The following BORCS5 variants were observed in gnomAD, a reference collection of about 807,000 sequenced individuals.
The protein encoded by BORCS5 is BLOC-1 related complex subunit 5, also known as BLOC-1-related complex subunit 5.
BORCS5 carries 17 observed loss-of-function variants against 22.1 expected under a neutral mutation model. The ratio of observed to expected loss-of-function variants is 0.77; its 90% CI spans 0.53 to 1.15. The LOEUF is 1.15. Among genes scored for constraint, BORCS5 ranks in the 50% most tolerant of loss-of-function variants. The probability of loss-of-function intolerance (pLI) is 0.00; values close to 1 mark genes in which losing one functional copy is unlikely to be tolerated. For synonymous variants in BORCS5, 117 were observed against 99.8 expected, an observed-to-expected ratio of 1.17 and a Z score of -1.03; for missense variants, 247 against 253.2, an observed-to-expected ratio of 0.98 and a Z score of 0.17.
At chr12:12,402,909 A>G (rs986004982) in intron 2 of BORCS5, among the ~76,000 whole-genome samples, 1 of 152,210 alleles carries the variant, frequency 6.6e-6, no homozygotes, top group African/African-American at 2.4e-5. Flanking sequence ...GAACGTTGGT[A>G]GGATAGAAAA....
intron 3 of BORCS5, among the ~76,000 whole-genome samples, chr12:12,461,184 CT>C (rs1430336440): frequency 1.3e-5 from 2 of 149,034 alleles, no homozygotes; most frequent in South Asian, 2.1e-4. Context: ...TTTTTTCCCC[CT>C]GGGATAGGGC....
At chr12:12,446,739 G>GT (rs558150816) in intron 3 of BORCS5, among the ~76,000 whole-genome samples, 14 of 152,124 alleles carry the variant, frequency 9.2e-5, no homozygotes, top group Non-Finnish European at 1.5e-4. Context: ...ATCCTCCATA[G>GT]TTTTCATTTA....
chr12:12,425,236 A>G (rs1373882002), intron 2 of BORCS5, among the ~76,000 whole-genome samples: 3 of 152,252 alleles, frequency 2.0e-5, no homozygotes, highest in Non-Finnish European at 4.4e-5. Context: ...GAAAGTAATT[A>G]TAATTCATCA....
At position 12,357,317 on chromosome 12, in the gene BORCS5, A is replaced by T; in HGVS notation, c.-135A>T. ...TGCGTGGGCTGGACGCGTCAGCCCC[A>T]CACATTAGCCTCGCTGCGGCGCCCA... On this transcript the variant is annotated 5_prime_UTR_variant, in exon 1 of 4. Coordinates refer to ENST00000314565, the MANE Select transcript of BORCS5 (RefSeq NM_058169.6). 6.8e-7 allele frequency: 1 copy of T among 1,471,602 alleles called. No individual in the cohort carries two copies. The allele number at this position is 1,471,602 out of a possible 1,614,324, so 91.2% of individuals were successfully genotyped here. A position where few individuals can be genotyped will look rare whatever the true frequency, so the allele number is the denominator to read the frequency against.
chr12:12,448,342 A>G (rs1424560093), intron 3 of BORCS5, among the ~76,000 whole-genome samples: 4 of 151,904 alleles, frequency 2.6e-5, no homozygotes, highest in Admixed American at 1.3e-4. Context: ...CAGCTTCCCA[A>G]GTAGCTGGGA....
chr12:12,415,642 G>A lies in BORCS5; in HGVS notation c.203-19986G>A, dbSNP rs953798676. ...TAGGCTGTTACGTGGATTGATTTTC[G>A]TGTGTTGAATCATCCTTGTGTTCCA... On this transcript the variant is annotated intron_variant, in intron 2 of 3. Coordinates refer to ENST00000314565, the MANE Select transcript of BORCS5 (RefSeq NM_058169.6). 4.0e-5 allele frequency among the ~76,000 whole-genome samples: 6 copies of A among 148,308 alleles called. No individual in the cohort carries two copies. The South Asian group carries it at 6.5e-4, about 16-fold the overall frequency.
intron 2 of BORCS5, among the ~76,000 whole-genome samples, chr12:12,399,073 C>A (rs1287528179): frequency 6.6e-6 from 1 of 152,162 alleles, no homozygotes; most frequent in Non-Finnish European, 1.5e-5. Flanking sequence ...TCCAGATTAC[C>A]TCTGTGTGTT....
intron 2 of BORCS5, among the ~76,000 whole-genome samples, chr12:12,376,532 C>G (rs1863658504): frequency 6.6e-6 from 1 of 152,176 alleles, no homozygotes; most frequent in African/African-American, 2.4e-5. Flanking sequence ...TGCACCTGGC[C>G]TGCTCTTCAA....
At chr12:12,415,556 A>AAAGGGG (rs1565887792) in intron 2 of BORCS5, among the ~76,000 whole-genome samples, 10 of 3,300 alleles carry the variant, frequency 3.0e-3, no homozygotes, top group Non-Finnish European at 7.4e-3. Flanking sequence ...GACCGTGGAG[A>AAAGGGG]GAGGGGGAGG....
chr12:12,358,728 A>C (rs1027309213), intron 1 of BORCS5, among the ~76,000 whole-genome samples: 1 of 152,214 alleles, frequency 6.6e-6, no homozygotes, highest in African/African-American at 2.4e-5. Flanking sequence ...TTTACAGATA[A>C]AGTAGTAGAG....
Position 12,399,981 on chromosome 12 carries a change from C to T in BORCS5, c.203-35647C>T, listed in dbSNP as rs1034509108. On this transcript the variant is annotated intron_variant, in intron 2 of 3. Transcript: ENST00000314565. ...TAGCCAAATGTTTGCTAAAAATTAACCAAATTAAATGTTATTAAATAAGAT... is the reference window on the plus strand; with the variant it reads ...TAGCCAAATGTTTGCTAAAAATTAATCAAATTAAATGTTATTAAATAAGAT... Among the ~76,000 whole-genome samples the T allele has an allele frequency of 3.9e-5, 6 of 152,140 alleles. No individual in the cohort carries two copies. The South Asian group carries it at 1.2e-3, about 32-fold the overall frequency.
chr12:12,375,320 G>T (rs1215806259), intron 2 of BORCS5, among the ~76,000 whole-genome samples: 1 of 152,196 alleles, frequency 6.6e-6, no homozygotes. Context: ...GCCTGTAGAG[G>T]AATCTTAAAA....
At chr12:12,460,572 A>T (rs1417166690) in intron 3 of BORCS5, among the ~76,000 whole-genome samples, 1 of 152,224 alleles carries the variant, frequency 6.6e-6, no homozygotes, top group Non-Finnish European at 1.5e-5. Context: ...TCCTAATCTT[A>T]GGGAGAAAAG....
At chr12:12,372,452 C>T (rs1863552545) in intron 2 of BORCS5, among the ~76,000 whole-genome samples, 1 of 152,214 alleles carries the variant, frequency 6.6e-6, no homozygotes, top group South Asian at 2.1e-4. Context: ...CTCAAGCAAA[C>T]CGCCTGCTTC....
At chr12:12,421,319 T>G (rs1482761903) in intron 2 of BORCS5, among the ~76,000 whole-genome samples, 2 of 152,212 alleles carry the variant, frequency 1.3e-5, no homozygotes, top group East Asian at 3.8e-4. Context: ...ATGTGTTTTT[T>G]GTGGTCGGTT....
At chr12:12,402,065 CA>C (rs550592058) in intron 2 of BORCS5, among the ~76,000 whole-genome samples, 5,123 of 94,324 alleles carry the variant, frequency 0.054, 90 homozygotes, top group Middle Eastern at 0.11. Flanking sequence ...GACTCCGTCT[CA>C]AAAAAAAAAA....
intron 2 of BORCS5, among the ~76,000 whole-genome samples, chr12:12,434,411 G>A (rs867171085): frequency 3.9e-5 from 6 of 152,184 alleles, no homozygotes; most frequent in South Asian, 4.1e-4. Context: ...GTGGTAGGGC[G>A]ATCACTGGGA....
At chr12:12,371,525 C>T (rs1301415277) in intron 2 of BORCS5, among the ~76,000 whole-genome samples, 1 of 152,012 alleles carries the variant, frequency 6.6e-6, no homozygotes, top group Non-Finnish European at 1.5e-5. Context: ...AACTCCTGGG[C>T]ACAAGCGATC....
At chr12:12,408,772 A>C (rs1268673229) in intron 2 of BORCS5, among the ~76,000 whole-genome samples, 1 of 152,214 alleles carries the variant, frequency 6.6e-6, no homozygotes, top group Non-Finnish European at 1.5e-5. Flanking sequence ...ATATAGAAAA[A>C]TATTATTCAG....
Sources: allele counts gnomAD v4.1 joint callset (sites outside exome capture counted in the v4.1 genomes callset), GRCh38; gene constraint gnomAD v4.1.1; transcripts MANE v1.5; gene names NCBI Gene and HGNC (gene_info 2026-07-23, HGNC 2026-07-21).